DPP10: variants seen among roughly 807,000 people sequenced by gnomAD.
DPP10 encodes inactive dipeptidyl peptidase 10.
A neutral mutation model predicts 120.9 loss-of-function variants in DPP10; 33 were observed. That is an observed-to-expected ratio of 0.27 (90% CI 0.21 to 0.37). DPP10 has a LOEUF of 0.37. Ranked by LOEUF, DPP10 falls within the 10% of genes least tolerant of loss-of-function variation. DPP10 has a pLI of 1.00. For synonymous variants in DPP10, 337 were observed against 326.1 expected, an observed-to-expected ratio of 1.03 and a Z score of -0.36; for missense variants, 816 against 942.8, an observed-to-expected ratio of 0.87 and a Z score of 1.76.
At chr2:115,482,810 A>G (rs2075521127) in intron 3 of DPP10, among the ~76,000 whole-genome samples, 1 of 151,992 alleles carries the variant, frequency 6.6e-6, no homozygotes, top group African/African-American at 2.4e-5. Context: ...TCCTTTCATC[A>G]TAGCCTTACT....
intron 1 of DPP10, among the ~76,000 whole-genome samples, chr2:115,063,469 A>G (rs1335602785): frequency 6.6e-6 from 1 of 152,200 alleles, no homozygotes; most frequent in African/African-American, 2.4e-5. Context: ...CATAACCCTA[A>G]GCAAAAAGAA....
chr2:114,649,991 T>C (rs1242193488), intron 1 of DPP10, among the ~76,000 whole-genome samples: 1 of 152,200 alleles, frequency 6.6e-6, no homozygotes, highest in African/African-American at 2.4e-5. Flanking sequence ...GAGAACAAGT[T>C]TTGCCTTATT....
chr2:114,680,156 T>C (rs1029997741), intron 1 of DPP10, among the ~76,000 whole-genome samples: 1 of 151,994 alleles, frequency 6.6e-6, no homozygotes, highest in African/African-American at 2.4e-5. Flanking sequence ...GCTAAAGATA[T>C]GATGGAGAGC....
chr2:114,680,030 A>G (rs992001643), intron 1 of DPP10, among the ~76,000 whole-genome samples: 2 of 151,990 alleles, frequency 1.3e-5, no homozygotes, highest in Admixed American at 6.6e-5. Flanking sequence ...ATGGAAATCA[A>G]TTTGCAGAAT....
intron 19 of DPP10, among the ~76,000 whole-genome samples, chr2:115,801,732 C>T (rs919329531): frequency 2.6e-5 from 4 of 151,852 alleles, no homozygotes; most frequent in Admixed American, 6.6e-5. Context: ...TGCTGGATTA[C>T]GTTTATTGAT....
rs1442327696 is a variant in DPP10 at position 115,076,087 on chromosome 2, C to G, written c.61-233152C>G. ...TTTCTTAACCTCCCAATCTCCACAT[C>G]TACCTTATAAAGATTTGGTAGGTTT... On this transcript the variant is annotated intron_variant, in intron 1 of 25. Coordinates refer to ENST00000410059, the MANE Select transcript of DPP10 (RefSeq NM_020868.6). 2.6e-5 allele frequency among the ~76,000 whole-genome samples: 4 copies of G among 152,090 alleles called. No individual in the cohort carries two copies. The East Asian group carries it at 7.7e-4, about 29-fold the overall frequency.
intron 17 of DPP10, among the ~76,000 whole-genome samples, chr2:115,787,789 CA>C (rs1309577226): frequency 1.3e-5 from 2 of 151,994 alleles, no homozygotes; most frequent in African/African-American, 4.8e-5. Context: ...TATGCAAAAC[CA>C]ATGATAAAGA....
At chr2:115,053,956 T>C (rs1705701701) in intron 1 of DPP10, among the ~76,000 whole-genome samples, 1 of 152,208 alleles carries the variant, frequency 6.6e-6, no homozygotes, top group Non-Finnish European at 1.5e-5. Context: ...TTAATAAATT[T>C]ATTAATTTCC....
chr2:115,106,770 C>T (rs2104653650), intron 1 of DPP10, among the ~76,000 whole-genome samples: 1 of 151,858 alleles, frequency 6.6e-6, no homozygotes, highest in African/African-American at 2.4e-5. Context: ...CTGATGTGTA[C>T]TCTCTTAAAA....
intron 3 of DPP10, among the ~76,000 whole-genome samples, chr2:115,471,166 A>G (rs1296617608): frequency 1.3e-5 from 2 of 152,202 alleles, no homozygotes; most frequent in African/African-American, 4.8e-5. Flanking sequence ...TTAAGCATAT[A>G]CACGGTTTGG....
chr2:115,361,050 T>C (rs781514257), intron 3 of DPP10, among the ~76,000 whole-genome samples: 2 of 152,146 alleles, frequency 1.3e-5, no homozygotes, highest in African/African-American at 4.8e-5. Context: ...TGTTCTCCGA[T>C]TGCTTGTCTG....
At chr2:114,953,049 A>G (rs1697915068) in intron 1 of DPP10, among the ~76,000 whole-genome samples, 1 of 151,504 alleles carries the variant, frequency 6.6e-6, no homozygotes, top group Non-Finnish European at 1.5e-5. Flanking sequence ...AATCATTAGG[A>G]GAGAATGTGT....
intron 1 of DPP10, among the ~76,000 whole-genome samples, chr2:114,748,343 TTTTTTTTATTTTTTTTTA>T (rs1678800916): frequency 8.7e-6 from 1 of 114,998 alleles, no homozygotes; most frequent in African/African-American, 3.5e-5. Flanking sequence ...ATTTTCTTTT[TTTTTTTTATTTTTTTTTA>T]TTTTATTTAT....
At chr2:115,777,475 G>T (rs1682246319) in intron 14 of DPP10, among the ~76,000 whole-genome samples, 176 bp downstream of exon 14, 1 of 151,754 alleles carries the variant, frequency 6.6e-6, no homozygotes, top group Non-Finnish European at 1.5e-5. Flanking sequence ...TTACACAGAG[G>T]GATGTGTGTG....
chr2:114,922,556 C>T (rs890094075), intron 1 of DPP10, among the ~76,000 whole-genome samples: 2 of 152,182 alleles, frequency 1.3e-5, no homozygotes, highest in African/African-American at 4.8e-5. Context: ...AAGTGATCCA[C>T]CCGCCTCGGT....
chr2:115,049,380 G>A (rs904219676), intron 1 of DPP10, among the ~76,000 whole-genome samples: 4 of 152,084 alleles, frequency 2.6e-5, no homozygotes, highest in African/African-American at 9.7e-5. Context: ...GAGTCAATCA[G>A]ACTGTAGTGA....
chr2:115,042,011 T>A (rs1341682927), intron 1 of DPP10, among the ~76,000 whole-genome samples: 1 of 141,952 alleles, frequency 7.0e-6, no homozygotes, highest in African/African-American at 2.8e-5. Flanking sequence ...ATCTTATCTT[T>A]TTTTTTTTTT....
intron 3 of DPP10, among the ~76,000 whole-genome samples, chr2:115,450,694 C>G (rs998889480): frequency 6.6e-6 from 1 of 151,738 alleles, no homozygotes; most frequent in Non-Finnish European, 1.5e-5. Flanking sequence ...TGAGTATTTG[C>G]TTTTTGTTTA....
At chr2:114,762,956 G>T (rs1680408108) in intron 1 of DPP10, among the ~76,000 whole-genome samples, 1 of 152,160 alleles carries the variant, frequency 6.6e-6, no homozygotes, top group South Asian at 2.1e-4. Flanking sequence ...GTCCAGTAAG[G>T]TTATGATATA....
Sources: gnomAD v4.1 joint callset for allele counts (sites outside exome capture counted in the v4.1 genomes callset) on GRCh38, gnomAD v4.1.1 for gene constraint, MANE v1.5 for transcripts, NCBI Gene and HGNC (gene_info 2026-07-23, HGNC 2026-07-21) for gene names.